CFAP20DC: variants seen among roughly 807,000 people sequenced by gnomAD.
CFAP20DC encodes CFAP20 domain containing, also known as protein CFAP20DC.
A neutral mutation model predicts 101.7 loss-of-function variants in CFAP20DC; 84 were observed. The ratio of observed to expected loss-of-function variants is 0.83; its 90% CI spans 0.69 to 0.99. The LOEUF (loss-of-function observed/expected upper bound fraction) is 0.99, where lower values mean the gene tolerates loss of function less well. Ranked by LOEUF, CFAP20DC falls within the 50% of genes least tolerant of loss-of-function variation. The pLI is 0.00. For missense variants in CFAP20DC, 1,007 were observed against 970.3 expected, an observed-to-expected ratio of 1.04 and a Z score of -0.50; for synonymous variants, 359 against 351.2, an observed-to-expected ratio of 1.02 and a Z score of -0.25.
rs2083002136 is a variant in CFAP20DC, at chr3:58,899,975, G to C, written c.550+13733C>G. The stretch of plus-strand genomic sequence containing the variant: ...TAATTAAAATTTTGCTAAGTACTCT[G>C]AGGGAAAAGTTCAAGGTGAAGAAAC... On this transcript the variant is annotated intron_variant, in intron 6 of 16. Coordinates refer to ENST00000482387, the MANE Select transcript of CFAP20DC (RefSeq NM_001394063.1). This position sits in a 1 kb window ranked among gnomAD's most constrained non-coding sequence, Gnocchi z 5.0. 6.6e-6 allele frequency among the ~76,000 whole-genome samples: 1 copy of C among 152,190 alleles called. No homozygotes were observed. The highest frequency in any genetic ancestry group is 2.1e-4 in the South Asian group (1 of 4,826).
At chr3:58,889,024 T>G (rs1286421711) in intron 6 of CFAP20DC, among the ~76,000 whole-genome samples, 2 of 152,162 alleles carry the variant, frequency 1.3e-5, no homozygotes, top group Non-Finnish European at 2.9e-5. Context: ...ATTTTAGTAT[T>G]TTGTTTAATC....
chr3:59,018,202 T>C (rs2093729393), intron 4 of CFAP20DC: 1 of 152,100 alleles, frequency 6.6e-6, no homozygotes, highest in Admixed American at 6.6e-5. Flanking sequence ...AGACAACTAA[T>C]AAATGTCTAC....
At chr3:58,837,708 A>G (rs1005329887) in intron 13 of CFAP20DC, among the ~76,000 whole-genome samples, 1 of 152,194 alleles carries the variant, frequency 6.6e-6, no homozygotes, top group Admixed American at 6.5e-5. Flanking sequence ...AGTCAGTATC[A>G]CTGGTGGTTT....
chr3:58,995,146 C>T (rs1245874419), intron 4 of CFAP20DC, among the ~76,000 whole-genome samples: 1 of 152,158 alleles, frequency 6.6e-6, no homozygotes. Context: ...CTTCGCTGTA[C>T]ATCCTTATGA....
Position 58,849,252 on chromosome 3 carries a change from T to C in CFAP20DC, c.1751A>G (p.Asp584Gly). The C allele has an allele frequency of 6.5e-7, 1 of 1,536,108 alleles. No individual in the cohort carries two copies. Among genetic ancestry groups the C allele is most frequent in the Non-Finnish European group, 8.7e-7 (1 of 1,146,914 alleles). ...TCTATCTATTTGCTCCATCGAGGAA[T>C]CCTGGCTTTCTGTTGCTCCTGCTTC... ...YTEAGATESQ[D>G]SSMEQIDRNN... Residue 584 changes from aspartate (D) to glycine (G), a missense_variant, in exon 13 of 17, where the codon GAT (aspartate) becomes GGT (glycine). Coordinates refer to ENST00000482387, the MANE Select transcript of CFAP20DC (RefSeq NM_001394063.1).
chr3:58,737,826 C>T (rs2067793266), downstream of CFAP20DC, among the ~76,000 whole-genome samples: 1 of 152,192 alleles, frequency 6.6e-6, no homozygotes, highest in African/African-American at 2.4e-5. This position sits in a 1 kb window ranked among gnomAD's most constrained non-coding sequence, Gnocchi z 4.1. Context: ...CCAGAAATCC[C>T]AGACTCCTGA....
At chr3:58,922,909 T>C (rs2085543407) in intron 5 of CFAP20DC, among the ~76,000 whole-genome samples, 1 of 152,152 alleles carries the variant, frequency 6.6e-6, no homozygotes, top group South Asian at 2.1e-4. Flanking sequence ...GAATATGTCA[T>C]AGACAAGAAG....
intron 15 of CFAP20DC, among the ~76,000 whole-genome samples, chr3:58,770,026 T>A (rs1311177249): frequency 6.6e-6 from 1 of 152,242 alleles, no homozygotes. Flanking sequence ...ATATACTTTA[T>A]ATGTTCTCTG....
At chr3:58,810,781 A>G (rs928396951) in intron 14 of CFAP20DC, among the ~76,000 whole-genome samples, 11 of 151,654 alleles carry the variant, frequency 7.3e-5, no homozygotes, top group Admixed American at 6.6e-5. Context: ...TTTGCAGATG[A>G]CATGATTGTA....
At position 58,763,103 on chromosome 3, in the gene CFAP20DC, A is replaced by G. The variant is rs1463909315; in HGVS notation, c.2238-9240T>C. Among the ~76,000 whole-genome samples, 8 of 152,182 alleles carry G rather than the reference A, an allele frequency of 5.3e-5. No individual in the cohort carries two copies. In the South Asian group the frequency reaches 1.0e-3, roughly 20 times the overall value. Reference sequence around the variant, plus strand: ...TTGGCCTGCCTTGCTAGATTGGGGAAGTTCTCCTGGATAATATCCTGCAGA... The same window carrying G: ...TTGGCCTGCCTTGCTAGATTGGGGAGGTTCTCCTGGATAATATCCTGCAGA... On this transcript the variant is annotated intron_variant, in intron 15 of 16. Coordinates refer to ENST00000482387, the MANE Select transcript of CFAP20DC (RefSeq NM_001394063.1).
rs1299377423 is a variant in CFAP20DC at position 58,719,879 on chromosome 3, C to T, written c.198-2251G>A. Among the ~76,000 whole-genome samples, 3 of 152,356 alleles carry T rather than the reference C, an allele frequency of 2.0e-5. No individual in the cohort carries two copies. The East Asian group carries it at 5.8e-4, about 29-fold the overall frequency. ...CCACTTGGCACTCTGCCCATGCAAACCACTCTGGCTTTCCCCTGTCCTCGG... is the reference window on the plus strand; with the variant it reads ...CCACTTGGCACTCTGCCCATGCAAATCACTCTGGCTTTCCCCTGTCCTCGG... On this transcript the variant is annotated intron_variant, in intron 3 of 3. Coordinates refer to the CFAP20DC transcript ENST00000486145.
At chr3:58,956,382 C>G (rs2090633790) in intron 4 of CFAP20DC, among the ~76,000 whole-genome samples, 1 of 152,026 alleles carries the variant, frequency 6.6e-6, no homozygotes, top group African/African-American at 2.4e-5. Flanking sequence ...GGAACATCAG[C>G]AGCAGTCTAG....
At chr3:58,951,084 C>T (rs1359474164) in intron 4 of CFAP20DC, among the ~76,000 whole-genome samples, 1 of 151,794 alleles carries the variant, frequency 6.6e-6, no homozygotes, top group South Asian at 2.1e-4. Flanking sequence ...ACCCCATCAA[C>T]AAGTGGGTGA....
At chr3:59,041,761 C>T (rs981336083) in intron 3 of CFAP20DC, among the ~76,000 whole-genome samples, 1 of 152,118 alleles carries the variant, frequency 6.6e-6, no homozygotes, top group Non-Finnish European at 1.5e-5. Context: ...GTTATCTGTT[C>T]ATCATGGGCT....
At chr3:58,817,290 G>C (rs2075266902) in intron 14 of CFAP20DC, among the ~76,000 whole-genome samples, 1 of 152,216 alleles carries the variant, frequency 6.6e-6, no homozygotes, top group African/African-American at 2.4e-5. Flanking sequence ...GCTGGATGGA[G>C]AATGACTTTG....
Position 58,776,535 on chromosome 3 carries a change from ATCCTTT to A in CFAP20DC, c.2238-22678_2238-22673del, listed in dbSNP as rs2071354909. ...CAAATTGCTGCCCTTAGAGACTTAA[ATCCTTT>A]TCCTTTATCTTGTCACTTCTTTCAA... On this transcript the variant is annotated intron_variant, in intron 15 of 16. Coordinates refer to ENST00000482387, the MANE Select transcript of CFAP20DC (RefSeq NM_001394063.1). Among the ~76,000 whole-genome samples, 3 of 151,322 alleles carry A rather than the reference ATCCTTT, an allele frequency of 2.0e-5. No homozygotes were observed. The South Asian group carries it at 6.3e-4, about 32-fold the overall frequency.
intron 7 of CFAP20DC, among the ~76,000 whole-genome samples, chr3:58,880,599 T>G (rs1003155040): frequency 1.3e-5 from 2 of 152,054 alleles, no homozygotes; most frequent in Admixed American, 1.3e-4. Context: ...ATATTTAATA[T>G]TATGTTTTAT....
chr3:58,844,653 C>G (rs1460799122), intron 13 of CFAP20DC, among the ~76,000 whole-genome samples: 1 of 123,344 alleles, frequency 8.1e-6, no homozygotes, highest in Non-Finnish European at 1.6e-5. Flanking sequence ...AGCTCTGCAC[C>G]AAGCGGACCT....
chr3:58,815,967 C>T (rs1445956579), intron 14 of CFAP20DC, among the ~76,000 whole-genome samples: 1 of 151,618 alleles, frequency 6.6e-6, no homozygotes, highest in Non-Finnish European at 1.5e-5. Flanking sequence ...CCTCAGGGAT[C>T]TAGAACTGGA....
Sources: allele counts gnomAD v4.1 joint callset (sites outside exome capture counted in the v4.1 genomes callset), GRCh38; gene constraint gnomAD v4.1.1; non-coding constraint Gnocchi (gnomAD v3.1); transcripts MANE v1.5; gene names NCBI Gene and HGNC (gene_info 2026-07-23, HGNC 2026-07-21).